The following CROCC2 variants were observed in gnomAD, a reference collection of about 807,000 sequenced individuals.
CROCC2 encodes ciliary rootlet coiled-coil protein 2.
In CROCC2, 163 loss-of-function variants were observed where a neutral mutation model predicts 177.6. The ratio of observed to expected loss-of-function variants is 0.92; its 90% confidence interval spans 0.81 to 1.05. The LOEUF is 1.05. Ranked by LOEUF, CROCC2 falls within the 50% of genes least tolerant of loss-of-function variation. The pLI is 0.00. For synonymous variants in CROCC2, 904 were observed against 787.3 expected, an observed-to-expected ratio of 1.15 and a Z score of -2.48; for missense variants, 1,929 against 1,797.8, an observed-to-expected ratio of 1.07 and a Z score of -1.32.
intron 27 of CROCC2, chr2:240,981,844 C>T (rs2059802710): frequency 6.6e-6 from 1 of 152,072 alleles, no homozygotes. Flanking sequence ...GCTCGGGGCT[C>T]ATCAAGACCT....
chr2:240,942,431 C>T (rs1024520190), intron 14 of CROCC2, among the ~76,000 whole-genome samples: 11 of 152,134 alleles, frequency 7.2e-5, no homozygotes, highest in Admixed American at 1.3e-4. Flanking sequence ...TCTGGATCCC[C>T]TAATGAGCTA....
Position 240,917,779 on chromosome 2 carries a change from G to A in CROCC2, c.79-947G>A, listed in dbSNP as rs546704722. ...TCAGATATCCTTAAGGCAGCAGGCC[G>A]GGGACAGCTGTGGCCTTGCGTATTC... On this transcript the variant is annotated intron_variant, in intron 1 of 31. Coordinates refer to ENST00000690015, the MANE Select transcript of CROCC2 (RefSeq NM_001351305.2). This position sits in a 1 kb window ranked among gnomAD's most constrained non-coding sequence, Gnocchi z 4.9. Among the ~76,000 whole-genome samples the A allele has an allele frequency of 2.6e-5, 4 of 152,202 alleles. No individual in the cohort carries two copies. Among genetic ancestry groups the A allele is most frequent in the East Asian group, 1.9e-4 (1 of 5,188 alleles).
intron 4 of CROCC2, 97 bp from the exon 5 acceptor site, chr2:240,925,627 T>A: frequency 1.6e-6 from 1 of 622,628 alleles, no homozygotes; most frequent in South Asian, 2.0e-5. Context: ...CCCAGAGGGT[T>A]TGGGGTTCCA....
intron 31 of CROCC2, among the ~76,000 whole-genome samples, chr2:240,991,550 C>T (rs1053754835): frequency 6.6e-6 from 1 of 152,214 alleles, no homozygotes; most frequent in South Asian, 2.1e-4. Context: ...GCCCGCTGAC[C>T]GCAGAGCTCC....
intron 28 of CROCC2, chr2:240,985,982 T>G (rs1300108811): frequency 2.2e-6 from 1 of 456,434 alleles, no homozygotes; most frequent in South Asian, 1.5e-5. Flanking sequence ...CATCCTCCTC[T>G]CCTTGATGCC....
intron 17 of CROCC2, 64 bp from the exon 18 acceptor site, chr2:240,950,270 G>A: frequency 1.3e-6 from 2 of 1,491,686 alleles, no homozygotes; most frequent in Non-Finnish European, 1.8e-6. Context: ...TCTCACTCAG[G>A]ACCATAGACA....
Position 240,950,445 on chromosome 2 carries a change from G to T in CROCC2, c.2764G>T (p.Glu922Ter). 6.5e-7 allele frequency: 1 copy of T among 1,550,240 alleles called. No individual in the cohort carries two copies. Among genetic ancestry groups the T allele is most frequent in the Non-Finnish European group, 8.7e-7 (1 of 1,146,794 alleles). Residue 922 changes from glutamate (E) to a stop codon, truncating the protein, a stop_gained, in exon 18 of 32, where the codon GAA becomes TAA. Coordinates refer to ENST00000690015, the MANE Select transcript of CROCC2 (RefSeq NM_001351305.2). LOFTEE classifies it high-confidence loss of function. ...AGCTGAGAGGGAGGCTCTGAAGGGGGAAATTCAGAGCCTGAAGCAGGAGCG... is the reference window on the plus strand; with the variant it reads ...AGCTGAGAGGGAGGCTCTGAAGGGGTAAATTCAGAGCCTGAAGCAGGAGCG... ...SAAEREALKG[E>*]IQSLKQERDE...
chr2:240,926,573 T>C (rs1366402942), intron 5 of CROCC2, among the ~76,000 whole-genome samples: 4 of 152,104 alleles, frequency 2.6e-5, no homozygotes, highest in South Asian at 4.1e-4. Context: ...GGGCAAGGAT[T>C]TCCCCAGGAA....
intron 28 of CROCC2, chr2:240,986,032 T>C (rs1336641190): frequency 1.1e-5 from 5 of 449,844 alleles, no homozygotes; most frequent in Non-Finnish European, 2.2e-5. Context: ...TCCTCCCTGA[T>C]GGGGACATGG....
rs2059543552 is a variant in CROCC2 at position 240,949,907 on chromosome 2, T to C, written c.2652+205T>C. 6.6e-6 allele frequency among the ~76,000 whole-genome samples: 1 copy of C among 151,714 alleles called. No individual in the cohort carries two copies. Among genetic ancestry groups the C allele is most frequent in the Non-Finnish European group, 1.5e-5 (1 of 67,918 alleles). ...GTGGAGCCCTCATATTGGGCTTGGG[T>C]TTGTATTTGGGGCGGGCCTCCCTCA... On this transcript the variant is annotated intron_variant, in intron 17 of 31. Transcript: ENST00000690015. This position sits in a 1 kb window ranked among gnomAD's most constrained non-coding sequence, Gnocchi z 4.5.
intron 14 of CROCC2, among the ~76,000 whole-genome samples, chr2:240,944,699 A>C (rs1019923102): frequency 6.6e-6 from 1 of 152,128 alleles, no homozygotes; most frequent in African/African-American, 2.4e-5. Flanking sequence ...CTTCTTGAAC[A>C]CGTGAATCAG....
chr2:240,959,084 A>G, intron 19 of CROCC2: 1 of 543,502 alleles, frequency 1.8e-6, no homozygotes. Context: ...CACACATCAC[A>G]GCTGTCAGGG....
chr2:240,992,615 A>C (rs1319056101), intron 31 of CROCC2, among the ~76,000 whole-genome samples: 1 of 152,252 alleles, frequency 6.6e-6, no homozygotes, highest in Non-Finnish European at 1.5e-5. Context: ...TCTGAGGGGA[A>C]GAGCTTGGTG....
At position 240,915,659 on chromosome 2, in the gene CROCC2, C is replaced by T. The variant is rs566656289; in HGVS notation, c.79-3067C>T. 2.6e-5 allele frequency among the ~76,000 whole-genome samples: 4 copies of T among 152,306 alleles called. No individual in the cohort carries two copies. In the South Asian group the frequency reaches 6.2e-4, roughly 24 times the overall value. ...CACATTTCCCCCAAGGTTTGGCTGT[C>T]CCTCTCCACACAACCAAATGGGGTG... On this transcript the variant is annotated intron_variant, in intron 1 of 31. Transcript: ENST00000690015.
intron 14 of CROCC2, among the ~76,000 whole-genome samples, chr2:240,944,838 G>C (rs899081554): frequency 6.6e-6 from 1 of 152,110 alleles, no homozygotes; most frequent in African/African-American, 2.4e-5. Flanking sequence ...GCCAGATCTT[G>C]ATTAGTCAAT....
In CROCC2 at chr2:240,949,122, T is replaced by A. The variant is rs1184304284; in HGVS notation, c.2482+25T>A. On this transcript the variant is annotated intron_variant, in intron 16 of 31. Coordinates refer to ENST00000690015, the MANE Select transcript of CROCC2 (RefSeq NM_001351305.2). The surrounding 1 kb of genome is among the most constrained non-coding windows in gnomAD (Gnocchi z 4.5). ...GGTGCTCCAAGGGCGCTCCCTCAGC[T>A]CCTTCCCCGAAAGTCAGCCATGGAG... 6.7e-7 allele frequency: 1 copy of A among 1,501,786 alleles called. No homozygotes were observed. Among genetic ancestry groups the A allele is most frequent in the Non-Finnish European group, 8.9e-7 (1 of 1,126,776 alleles). 93.0% of individuals were successfully genotyped at this position (1,501,786 alleles called of 1,614,324 possible). A position where few individuals can be genotyped will look rare whatever the true frequency, so the allele number is the denominator to read the frequency against.
At chr2:240,913,365 C>A (rs2059300183) in intron 1 of CROCC2, among the ~76,000 whole-genome samples, 1 of 152,190 alleles carries the variant, frequency 6.6e-6, no homozygotes, top group East Asian at 1.9e-4. Flanking sequence ...TGCGTGGGCG[C>A]CAGGGACACA....
At chr2:240,913,153 C>T (rs1380428739) in intron 1 of CROCC2, among the ~76,000 whole-genome samples, 1 of 152,192 alleles carries the variant, frequency 6.6e-6, no homozygotes, top group African/African-American at 2.4e-5. Context: ...CTCCACAGAA[C>T]ATTTGAGGCC....
At chr2:240,959,652 A>G in intron 20 of CROCC2, 1 of 560,800 alleles carries the variant, frequency 1.8e-6, no homozygotes, top group Non-Finnish European at 3.0e-6. Flanking sequence ...AGCCAAGCCC[A>G]GGCTCTCAGG....
Sources: gnomAD v4.1 joint callset for allele counts (sites outside exome capture counted in the v4.1 genomes callset) on GRCh38, gnomAD v4.1.1 for gene constraint, Gnocchi (gnomAD v3.1) non-coding constraint, MANE v1.5 for transcripts, NCBI Gene and HGNC (gene_info 2026-07-23, HGNC 2026-07-21) for gene names.